Variants in ABHD2 observed in about 807,000 individuals in gnomAD.
The protein encoded by ABHD2 is abhydrolase domain containing 2, acylglycerol lipase, also known as monoacylglycerol lipase ABHD2.
ABHD2 carries 20 observed loss-of-function variants against 48.1 expected under a neutral mutation model. The ratio of observed to expected loss-of-function variants is 0.42; its 90% CI spans 0.29 to 0.60. ABHD2 has a LOEUF of 0.60. Ranked by LOEUF, ABHD2 falls within the 20% of genes least tolerant of loss-of-function variation. ABHD2 has a pLI of 0.24. For synonymous variants in ABHD2, 209 were observed against 214.2 expected, an observed-to-expected ratio of 0.98 and a Z score of 0.21; for missense variants, 405 against 550.9, an observed-to-expected ratio of 0.74 and a Z score of 2.65.
chr15:89,109,787 A>G (rs2150802511), intron 1 of ABHD2, among the ~76,000 whole-genome samples: 1 of 152,318 alleles, frequency 6.6e-6, no homozygotes, highest in South Asian at 2.1e-4. Context: ...ATACCTATGT[A>G]TATGCACGTA....
chr15:89,162,909 A>G (rs1323544168), intron 5 of ABHD2, among the ~76,000 whole-genome samples: 2 of 152,220 alleles, frequency 1.3e-5, no homozygotes, highest in Admixed American at 1.3e-4. Context: ...GACCCTAGAA[A>G]GCATTCACTG....
rs1567092613 is a variant in ABHD2 at position 89,151,297 on chromosome 15, A to G, written c.195-380A>G. On this transcript the variant is annotated intron_variant, in intron 3 of 10. Transcript: ENST00000352732. The surrounding 1 kb of genome is among the most constrained non-coding windows in gnomAD (Gnocchi z 4.7). ...TTTTAGTGAGTGTAGGCGCTATGCTATTTCATATACATCAGCTCCTTTAAT... is the reference window on the plus strand; with the variant it reads ...TTTTAGTGAGTGTAGGCGCTATGCTGTTTCATATACATCAGCTCCTTTAAT... Among the ~76,000 whole-genome samples the G allele has an allele frequency of 6.6e-6, 1 of 152,234 alleles. No homozygotes were observed. The highest frequency in any genetic ancestry group is 1.9e-4 in the East Asian group (1 of 5,200).
Position 89,097,137 on chromosome 15 carries a change from A to G in ABHD2, c.-107+8574A>G, listed in dbSNP as rs547061032. On this transcript the variant is annotated intron_variant, in intron 1 of 10. Transcript: ENST00000352732. The surrounding 1 kb of genome is among the most constrained non-coding windows in gnomAD (Gnocchi z 4.2). Reference sequence around the variant, plus strand: ...TTTTTATTCTGGGAATTTTAAAGATATACAGAAGTAGAGAGAATCATATAA... The same window carrying G: ...TTTTTATTCTGGGAATTTTAAAGATGTACAGAAGTAGAGAGAATCATATAA... 6.6e-6 allele frequency among the ~76,000 whole-genome samples: 1 copy of G among 152,326 alleles called. No individual in the cohort carries two copies. Among genetic ancestry groups the G allele is most frequent in the African/African-American group, 2.4e-5 (1 of 41,566 alleles).
At position 89,185,386 on chromosome 15, in the gene ABHD2, C is replaced by T. The variant is rs773895717; in HGVS notation, c.723-38C>T. The stretch of plus-strand genomic sequence containing the variant: ...CCTCCTGGCTGCCCGCCTGCACCCC[C>T]ACACCGCAGTCACCCTCACTCGCTG... On this transcript the variant is annotated intron_variant, in intron 6 of 10. Coordinates refer to ENST00000352732, the MANE Select transcript of ABHD2 (RefSeq NM_152924.5). The surrounding 1 kb of genome is among the most constrained non-coding windows in gnomAD (Gnocchi z 5.9). 6 of 1,585,136 alleles carry T rather than the reference C, an allele frequency of 3.8e-6. No homozygotes were observed. In the South Asian group the frequency reaches 5.5e-5, roughly 15 times the overall value.
At position 89,186,387 on chromosome 15, in the gene ABHD2, T is replaced by A. The variant is rs1567110910; in HGVS notation, c.815+871T>A. Among the ~76,000 whole-genome samples the A allele has an allele frequency of 6.6e-6, 1 of 152,182 alleles. No homozygotes were observed. The highest frequency in any genetic ancestry group is 2.1e-4 in the South Asian group (1 of 4,822). ...TTAGCAATGACTTTTTCATTATGAT[T>A]ATTATTATTGCTGACATCTCTGCCT... On this transcript the variant is annotated intron_variant, in intron 7 of 10. Transcript: ENST00000352732. This position sits in a 1 kb window ranked among gnomAD's most constrained non-coding sequence, Gnocchi z 4.3.
At chr15:89,130,562 TAC>T (rs1385662034) in intron 3 of ABHD2, among the ~76,000 whole-genome samples, 7 of 152,176 alleles carry the variant, frequency 4.6e-5, no homozygotes, top group Non-Finnish European at 1.0e-4. Context: ...AGACAGAAAC[TAC>T]AAACCATGGC....
chr15:89,055,003 A>T, the ABHD2 span, among the ~76,000 whole-genome samples: 4 of 152,022 alleles, frequency 2.6e-5, no homozygotes, highest in East Asian at 7.7e-4. Context: ...AGGTTGGAGG[A>T]TCACTTGAGG....
Position 89,179,822 on chromosome 15 carries a change from T to C in ABHD2, c.722+3827T>C, listed in dbSNP as rs2051077841. Among the ~76,000 whole-genome samples the C allele has an allele frequency of 6.6e-6, 1 of 152,160 alleles. No homozygotes were observed. Among genetic ancestry groups the C allele is most frequent in the Non-Finnish European group, 1.5e-5 (1 of 68,014 alleles). ...CATTATACTCCGGGCTAAGTGGATG[T>C]GTTAACATCACTAAGACCTGACCTC... On this transcript the variant is annotated intron_variant, in intron 6 of 10. Transcript: ENST00000352732. This position sits in a 1 kb window ranked among gnomAD's most constrained non-coding sequence, Gnocchi z 4.3.
chr15:89,190,089 G>A (rs2051278900), intron 8 of ABHD2, among the ~76,000 whole-genome samples: 1 of 152,168 alleles, frequency 6.6e-6, no homozygotes, highest in African/African-American at 2.4e-5. Context: ...TCCAGCCTGA[G>A]CTTTCCAGGC....
chr15:89,161,231 C>A (rs1422000872), intron 5 of ABHD2, among the ~76,000 whole-genome samples: 1 of 151,978 alleles, frequency 6.6e-6, no homozygotes, highest in East Asian at 1.9e-4. Context: ...TGCTTTTTTA[C>A]TTTTTATTAC....
At chr15:89,154,099 G>C (rs1412567958) in intron 4 of ABHD2, among the ~76,000 whole-genome samples, 3 of 152,150 alleles carry the variant, frequency 2.0e-5, no homozygotes, top group African/African-American at 4.8e-5. Flanking sequence ...TAAAGAGATG[G>C]AGTCTTGCTG....
At chr15:89,161,372 A>C (rs978853409) in intron 5 of ABHD2, among the ~76,000 whole-genome samples, 1 of 151,834 alleles carries the variant, frequency 6.6e-6, no homozygotes, top group African/African-American at 2.4e-5. Flanking sequence ...ATCCCCTCTC[A>C]AAGATTATTT....
At position 89,180,500 on chromosome 15, in the gene ABHD2, G is replaced by A. The variant is rs950362600; in HGVS notation, c.722+4505G>A. Among the ~76,000 whole-genome samples the A allele has an allele frequency of 2.0e-5, 3 of 152,344 alleles. 1 individual carries two copies. The highest frequency in any genetic ancestry group is 4.4e-5 in the Non-Finnish European group (3 of 68,036). The stretch of plus-strand genomic sequence containing the variant: ...AAAAACTCTTGGCCCACTCCCTTGT[G>A]TGGTACAAACATGGTTTTCTTCTGC... On this transcript the variant is annotated intron_variant, in intron 6 of 10. Coordinates refer to ENST00000352732, the MANE Select transcript of ABHD2 (RefSeq NM_152924.5).
chr15:89,170,099 TTTTTTTTTTTTTTTG>T (rs2050899563), intron 5 of ABHD2, among the ~76,000 whole-genome samples: 1 of 125,282 alleles, frequency 8.0e-6, no homozygotes, highest in African/African-American at 3.1e-5. Context: ...TTTTTTTTTT[TTTTTTTTTTTTTTTG>T]GAGACGGGGT....
Position 89,193,239 on chromosome 15 carries a change from A to G in ABHD2, c.1001A>G (p.Tyr334Cys), listed in dbSNP as rs1289938887. The G allele has an allele frequency of 2.5e-6, 4 of 1,614,156 alleles. No individual in the cohort carries two copies. Among genetic ancestry groups the G allele is most frequent in the Non-Finnish European group, 2.5e-6 (3 of 1,179,978 alleles). ...TGCTTTATGTTCTTGTTGCAGATTT[A>G]TGTTCCTCTCATGCTGGTTAATGCA... ...ESCMRYLHRI[Y>C]VPLMLVNAAD... The change falls in exon 10 of 11, where the codon TAT becomes TGT. Residue 334 changes from tyrosine to cysteine, a missense_variant. Coordinates refer to ENST00000352732, the MANE Select transcript of ABHD2 (RefSeq NM_152924.5).
intron 6 of ABHD2, among the ~76,000 whole-genome samples, chr15:89,180,281 G>A (rs546439426): frequency 2.6e-5 from 4 of 151,976 alleles, no homozygotes; most frequent in Non-Finnish European, 5.9e-5. Flanking sequence ...TTTTGTTGTT[G>A]TTAATTTTTT....
the ABHD2 span, among the ~76,000 whole-genome samples, chr15:89,063,987 C>G: frequency 6.6e-6 from 1 of 152,020 alleles, no homozygotes; most frequent in Non-Finnish European, 1.5e-5. Flanking sequence ...GTTGAGGACC[C>G]CTGCATTAAA....
chr15:89,128,833 C>T (rs888285021), intron 3 of ABHD2, among the ~76,000 whole-genome samples: 1 of 151,892 alleles, frequency 6.6e-6, no homozygotes, highest in African/African-American at 2.4e-5. Flanking sequence ...TCTCTAATTC[C>T]CAGAGAGGAA....
the ABHD2 span, among the ~76,000 whole-genome samples, chr15:89,081,726 G>A: frequency 9.0e-4 from 137 of 152,040 alleles, 1 homozygote; most frequent in African/African-American, 5.8e-4. Flanking sequence ...TGGCGCACGC[G>A]TGTAATCCCA....
Sources: allele counts gnomAD v4.1 joint callset (sites outside exome capture counted in the v4.1 genomes callset), GRCh38; gene constraint gnomAD v4.1.1; non-coding constraint Gnocchi (gnomAD v3.1); transcripts MANE v1.5; gene names NCBI Gene and HGNC (gene_info 2026-07-23, HGNC 2026-07-21).